The following CST3 variants were observed in gnomAD, a reference collection of about 807,000 sequenced individuals.
The protein encoded by CST3 is cystatin C.
A neutral mutation model predicts 9.0 loss-of-function variants in CST3; 14 were observed. That is an observed-to-expected ratio of 1.56 (90% CI 1.03 to 2.44). The LOEUF (loss-of-function observed/expected upper bound fraction) is 2.44. Ranked by LOEUF, CST3 falls within the 30% of genes most tolerant of loss-of-function variation. The pLI is 0.00. For synonymous variants in CST3, 96 were observed against 90.2 expected, an observed-to-expected ratio of 1.06 and a Z score of -0.37; for missense variants, 237 against 204.3, an observed-to-expected ratio of 1.16 and a Z score of -0.98.
chr20:23,633,486 CTG>C (rs150760279), downstream of CST3, among the ~76,000 whole-genome samples: 586 of 152,336 alleles, frequency 3.8e-3, 1 homozygote, highest in African/African-American at 0.013. Flanking sequence ...TCTCCCTGCT[CTG>C]AGACTCAGGA....
At position 23,633,765 on chromosome 20, in the gene CST3, AG is replaced by A. The variant is rs1979540494; in HGVS notation, c.*150del. 5.5e-6 allele frequency: 4 copies of A among 733,776 alleles called. No homozygotes were observed. Among genetic ancestry groups the A allele is most frequent in the Non-Finnish European group, 9.9e-6 (4 of 405,408 alleles). The allele number at this position is 733,776 out of a possible 1,614,324, so 45.5% of individuals were successfully genotyped here. ...GGCAGAGCCCCTTGCTGAGCAACAA[AG>A]GCCGCCTGCTGCCTTCTCTGTCTGT... is the stretch of plus-strand genomic sequence containing the variant. On this transcript the variant is annotated 3_prime_UTR_variant, in exon 3 of 3. Coordinates refer to ENST00000376925, the MANE Select transcript of CST3 (RefSeq NM_000099.4).
downstream of CST3, chr20:23,633,569 C>T: frequency 2.2e-6 from 1 of 460,728 alleles, no homozygotes. Flanking sequence ...CTCTCATCTT[C>T]ACACCAGCAG....
chr20:23,634,980 CCACACATATGTGCA>C (rs1397615790), intron 2 of CST3, among the ~76,000 whole-genome samples: 4 of 151,838 alleles, frequency 2.6e-5, no homozygotes, highest in Admixed American at 2.0e-4. Context: ...ACAGACACCC[CCACACATATGTGCA>C]CACACATATA....
downstream of CST3, chr20:23,628,725 G>GTT (rs1979341883): frequency 6.6e-6 from 1 of 152,218 alleles, no homozygotes; most frequent in African/African-American, 2.4e-5. Flanking sequence ...CTTGCTCTCT[G>GTT]TTTCTCTCTC....
At chr20:23,633,005 G>A (rs895366665), downstream of CST3, among the ~76,000 whole-genome samples, 2 of 152,162 alleles carry the variant, frequency 1.3e-5, no homozygotes, top group African/African-American at 4.8e-5. Flanking sequence ...CCAGAGAAAG[G>A]GCTGGTGGCT....
chr20:23,637,747 G>T lies in CST3; in HGVS notation c.116C>A (p.Pro39His). 1 of 1,538,568 alleles carries T rather than the reference G, an allele frequency of 6.5e-7. No homozygotes were observed. The highest frequency in any genetic ancestry group is 8.7e-7 in the Non-Finnish European group (1 of 1,143,554). The change falls in exon 1 of 3, where the codon CCC (proline) becomes CAC (histidine). Residue 39 changes from proline (P) to histidine (H), a missense_variant. Coordinates refer to ENST00000376925, the MANE Select transcript of CST3 (RefSeq NM_000099.4). ...PGKPPRLVGGPMDASVEEEGV... is the reference protein window; with the variant it reads ...PGKPPRLVGGHMDASVEEEGV... ...CTCCTCCTCCACGCTGGCGTCCATG[G>T]GGCCTCCCACTAGGCGCGGCGGCTT...
chr20:23,631,565 C>T (rs1176830301), downstream of CST3, among the ~76,000 whole-genome samples: 2 of 152,304 alleles, frequency 1.3e-5, no homozygotes, highest in South Asian at 2.1e-4. Flanking sequence ...AGCCTCTCTT[C>T]GGCCTCTCAG....
chr20:23,634,135 C>A, intron 2 of CST3, 136 bp from the exon 3 acceptor site: 1 of 736,572 alleles, frequency 1.4e-6, no homozygotes, highest in Non-Finnish European at 2.4e-6. Context: ...CTCCACCCAC[C>A]CCCGCTGATC....
exon 4 of CST3, chr20:23,627,886 T>G (rs983693933): frequency 1.3e-5 from 2 of 152,220 alleles, no homozygotes; most frequent in Non-Finnish European, 2.9e-5. Context: ...AAACTTTGAG[T>G]TATATAAAAA....
intron 1 of CST3, among the ~76,000 whole-genome samples, chr20:23,636,007 G>T (rs1314746145): frequency 6.6e-6 from 1 of 152,144 alleles, no homozygotes; most frequent in Non-Finnish European, 1.5e-5. Context: ...GGACCAGGGT[G>T]CTAGACCTTG....
At chr20:23,629,362 C>T (rs1328454565), downstream of CST3, 1 of 152,222 alleles carries the variant, frequency 6.6e-6, no homozygotes, top group Non-Finnish European at 1.5e-5. Context: ...GCTGCCCAGT[C>T]AGAGAAGGCA....
chr20:23,635,182 T>TCACACACACA (rs3067508), intron 2 of CST3, 72 bp downstream of exon 2: 1 of 1,103,380 alleles, frequency 9.1e-7, no homozygotes, highest in African/African-American at 1.6e-5. Flanking sequence ...AACATGTGCA[T>TCACACACACA]CACACACACA....
chr20:23,630,721 GCAA>G (rs1979420118), downstream of CST3, among the ~76,000 whole-genome samples: 1 of 150,734 alleles, frequency 6.6e-6, no homozygotes, highest in Admixed American at 6.6e-5. Context: ...CACATGGGTG[GCAA>G]CATCCCAAGC....
intron 1 of CST3, among the ~76,000 whole-genome samples, chr20:23,636,370 G>A (rs3827142): frequency 0.19 from 29,486 of 152,106 alleles, 3,068 homozygotes; most frequent in South Asian, 0.32. Flanking sequence ...GCTCCCTCCC[G>A]ATCCGACCCC....
At chr20:23,631,424 T>C (rs1979448087), downstream of CST3, among the ~76,000 whole-genome samples, 1 of 152,226 alleles carries the variant, frequency 6.6e-6, no homozygotes, top group South Asian at 2.1e-4. Context: ...CCTATACCTT[T>C]TCCCCTATGG....
exon 4 of CST3, chr20:23,628,646 G>A (rs1704303473): frequency 6.6e-6 from 1 of 152,248 alleles, no homozygotes; most frequent in African/African-American, 2.4e-5. Context: ...CACATAACTA[G>A]GAAGTTCAGA....
rs1483807681 is a variant in CST3 at position 23,637,929 on chromosome 20, C to G, written c.-67G>C. The G allele has an allele frequency of 7.5e-7, 1 of 1,339,106 alleles. No individual in the cohort carries two copies. 83.0% of individuals were successfully genotyped at this position (1,339,106 alleles called of 1,614,324 possible). A position where few individuals can be genotyped will look rare whatever the true frequency, so the allele number is the denominator to read the frequency against. The stretch of plus-strand genomic sequence containing the variant: ...AGAGGCTGGAGCTAGATAGAGAGGA[C>G]CCGCTGCGATACCGAGGCGAGGCCG... On this transcript the variant is annotated 5_prime_UTR_variant, in exon 1 of 3. Transcript: ENST00000376925.
exon 4 of CST3, chr20:23,626,717 C>T (rs1445940309): frequency 6.6e-6 from 1 of 152,126 alleles, no homozygotes; most frequent in Non-Finnish European, 1.5e-5. Context: ...TGTTTGTACA[C>T]TTTAAGAATT....
chr20:23,637,552 G>C, intron 1 of CST3, 68 bp downstream of exon 1: 1 of 1,377,662 alleles, frequency 7.3e-7, no homozygotes. Flanking sequence ...ACGGGGTCCG[G>C]GAGCAGCGCG....
Sources: allele counts gnomAD v4.1 joint callset (sites outside exome capture counted in the v4.1 genomes callset), GRCh38; gene constraint gnomAD v4.1.1; transcripts MANE v1.5; gene names NCBI Gene and HGNC (gene_info 2026-07-23, HGNC 2026-07-21).